SCNN1B: variants seen among roughly 807,000 people sequenced by gnomAD.
SCNN1B encodes the protein sodium channel epithelial 1 subunit beta, also known as epithelial sodium channel subunit beta.
SCNN1B carries 46 observed loss-of-function variants against 65.3 expected under a neutral mutation model. That is an observed-to-expected ratio of 0.70 (90% confidence interval 0.56 to 0.90). The LOEUF (loss-of-function observed/expected upper bound fraction) is 0.90, where lower values mean the gene tolerates loss of function less well. SCNN1B is among the 40% of genes least tolerant of loss of function. The pLI is 0.00. For synonymous variants in SCNN1B, 349 were observed against 330.6 expected, an observed-to-expected ratio of 1.06 and a Z score of -0.60; for missense variants, 751 against 830.5, an observed-to-expected ratio of 0.90 and a Z score of 1.18.
chr16:23,309,745 A>G (rs1325444793), intron 1 of SCNN1B, among the ~76,000 whole-genome samples: 1 of 152,188 alleles, frequency 6.6e-6, no homozygotes, highest in Non-Finnish European at 1.5e-5. Flanking sequence ...CACTGACTCA[A>G]GTGTTAATCT....
At chr16:23,347,782 G>T (rs77735780) in intron 1 of SCNN1B, among the ~76,000 whole-genome samples, 3,461 of 152,290 alleles carry the variant, frequency 0.023, 52 homozygotes, top group Middle Eastern at 0.037. Flanking sequence ...TGGTGTGCAT[G>T]CCTATAATCC....
rs576845476 is a variant in SCNN1B, at chr16:23,321,334, G to A, written c.-9+18897G>A. Reference sequence around the variant, plus strand: ...TGTGATTACAGGCATGAGCCACAACGCCTGGCCTCCTTCCTGGACTCTCAA... The same window carrying A: ...TGTGATTACAGGCATGAGCCACAACACCTGGCCTCCTTCCTGGACTCTCAA... On this transcript the variant is annotated intron_variant, in intron 1 of 12. Coordinates refer to ENST00000343070, the MANE Select transcript of SCNN1B (RefSeq NM_000336.3). 1.5e-3 allele frequency among the ~76,000 whole-genome samples: 230 copies of A among 152,188 alleles called. 1 individual carries two copies. The highest frequency in any genetic ancestry group is 2.8e-3 in the Non-Finnish European group (192 of 68,018).
At chr16:23,374,810 G>C in intron 7 of SCNN1B, among the ~76,000 whole-genome samples, 1 of 151,588 alleles carries the variant, frequency 6.6e-6, no homozygotes, top group East Asian at 1.9e-4. Context: ...GGGCCGAGTG[G>C]AGAGAGGTAG....
chr16:23,355,777 G>A (rs1444065750), intron 4 of SCNN1B, among the ~76,000 whole-genome samples: 1 of 151,842 alleles, frequency 6.6e-6, no homozygotes, highest in Non-Finnish European at 1.5e-5. Context: ...AGGAAAAGGA[G>A]AAAATAGAAA....
intron 11 of SCNN1B, 113 bp downstream of exon 11, chr16:23,378,880 G>A (rs2303153): frequency 6.1e-6 from 6 of 989,910 alleles, no homozygotes; most frequent in African/African-American, 3.2e-5. Context: ...GGGTCAGACC[G>A]AGGAGCAAGT....
Position 23,380,500 on chromosome 16 carries a change from G to C in SCNN1B, c.1622G>C (p.Gly541Ala), listed in dbSNP as rs1405881688. 6.2e-7 allele frequency: 1 copy of C among 1,614,104 alleles called. No individual in the cohort carries two copies. The highest frequency in any genetic ancestry group is 1.3e-5 in the African/African-American group (1 of 74,918). ...TCTGTGCTGTGCCTCATCGAGTTTG[G>C]GGAGATCATCATCGACTTTGTGTGG... is the stretch of plus-strand genomic sequence containing the variant. The part of the protein sequence containing the change: ...GGSVLCLIEF[G>A]EIIIDFVWIT... The change falls in exon 13 of 13, where the codon GGG becomes GCG. Residue 541 changes from glycine (G) to alanine (A), a missense_variant. By Grantham distance (60) the Gly-to-Ala change is moderately conservative (BLOSUM62 0). Coordinates refer to ENST00000343070, the MANE Select transcript of SCNN1B (RefSeq NM_000336.3). This position sits in a 1 kb window ranked among gnomAD's most constrained non-coding sequence, Gnocchi z 5.4.
intron 1 of SCNN1B, among the ~76,000 whole-genome samples, chr16:23,340,676 G>T (rs1192460365): frequency 6.6e-6 from 1 of 151,996 alleles, no homozygotes; most frequent in Non-Finnish European, 1.5e-5. Context: ...AATTACAGGT[G>T]TGAGCCACCA....
chr16:23,358,975 A>G (rs1962477960), intron 4 of SCNN1B, among the ~76,000 whole-genome samples: 1 of 152,278 alleles, frequency 6.6e-6, no homozygotes, highest in Non-Finnish European at 1.5e-5. Context: ...GCCAACATTT[A>G]CTGGGCCTTT....
Position 23,352,796 on chromosome 16 carries a change from T to A in SCNN1B, c.312-5T>A, listed in dbSNP as rs766152045. On this transcript the variant is annotated splice_region_variant and splice_polypyrimidine_tract_variant and intron_variant, in intron 2 of 12. Coordinates refer to ENST00000343070, the MANE Select transcript of SCNN1B (RefSeq NM_000336.3). Reference sequence around the variant, plus strand: ...TTCCCCCTAACCAGCCCTCTCCCCATCCAGGTATTCCAAAATCAAGCATTT... The same window carrying A: ...TTCCCCCTAACCAGCCCTCTCCCCAACCAGGTATTCCAAAATCAAGCATTT... 6.2e-7 allele frequency: 1 copy of A among 1,614,088 alleles called. No homozygotes were observed. Among genetic ancestry groups the A allele is most frequent in the Non-Finnish European group, 8.5e-7 (1 of 1,180,012 alleles).
Position 23,366,321 on chromosome 16 carries a change from T to A in SCNN1B, c.777-1535T>A, listed in dbSNP as rs774264879. ...CCCAGGCTCAGGTGATCAATCCACA[T>A]CAGCCTCCCAAGTAGCTGGGACTAC... is the stretch of plus-strand genomic sequence containing the variant. On this transcript the variant is annotated intron_variant, in intron 4 of 12. Transcript: ENST00000343070. 7.1e-4 allele frequency among the ~76,000 whole-genome samples: 108 copies of A among 152,186 alleles called. 1 individual carries two copies. Among genetic ancestry groups the A allele is most frequent in the Non-Finnish European group, 2.4e-4 (16 of 68,026 alleles).
At position 23,380,824 on chromosome 16, in the gene SCNN1B, C is replaced by T. The variant is rs1063153; in HGVS notation, c.*23C>T. On this transcript the variant is annotated 3_prime_UTR_variant, in exon 13 of 13. Transcript: ENST00000343070. This position sits in a 1 kb window ranked among gnomAD's most constrained non-coding sequence, Gnocchi z 5.4. ...TAACCCTGCCCCTGCCCACCCCGGG[C>T]GGCTGAAACTCACTGAGCAGCCAAG... 37 of 1,611,212 alleles carry T rather than the reference C, an allele frequency of 2.3e-5. No homozygotes were observed. Among genetic ancestry groups the T allele is most frequent in the African/African-American group, 4.0e-5 (3 of 74,900 alleles).
intron 2 of SCNN1B, among the ~76,000 whole-genome samples, chr16:23,295,265 T>C (rs1237134053): frequency 2.6e-5 from 4 of 151,834 alleles, no homozygotes; most frequent in Non-Finnish European, 5.9e-5. Context: ...GTTACCCAGG[T>C]TGGAGTGCAG....
rs139054925 is a variant in SCNN1B, at chr16:23,330,784, G to T, written c.-8-17808G>T. Among the ~76,000 whole-genome samples the T allele has an allele frequency of 2.0e-3, 308 of 152,174 alleles. 3 individuals carry two copies. Among genetic ancestry groups the T allele is most frequent in the African/African-American group, 7.0e-3 (290 of 41,524 alleles). On this transcript the variant is annotated intron_variant, in intron 1 of 12. Transcript: ENST00000343070. ...AATGGGGTCTTGCTATGTTGCCCAG[G>T]TTCTTGAACTCCTGGCCTCAAGCGA...
chr16:23,334,016 G>A (rs911262044), intron 1 of SCNN1B, among the ~76,000 whole-genome samples: 1 of 152,180 alleles, frequency 6.6e-6, no homozygotes, highest in East Asian at 1.9e-4. Context: ...GCTTGCCTGC[G>A]ATGTGGATGG....
Position 23,334,230 on chromosome 16 carries a change from C to T in SCNN1B, c.-8-14362C>T, listed in dbSNP as rs139975861. Reference sequence around the variant, plus strand: ...CCACGTGGTGTGGGAGTGTGGCTACCGCCTCAACACTGCCTTACAGTGAAC... The same window carrying T: ...CCACGTGGTGTGGGAGTGTGGCTACTGCCTCAACACTGCCTTACAGTGAAC... On this transcript the variant is annotated intron_variant, in intron 1 of 12. Coordinates refer to ENST00000343070, the MANE Select transcript of SCNN1B (RefSeq NM_000336.3). Among the ~76,000 whole-genome samples, 389 of 152,146 alleles carry T rather than the reference C, an allele frequency of 2.6e-3. 1 individual carries two copies. The highest frequency in any genetic ancestry group is 9.0e-3 in the African/African-American group (374 of 41,512).
chr16:23,339,955 A>C (rs1962021651), intron 1 of SCNN1B, among the ~76,000 whole-genome samples: 1 of 152,144 alleles, frequency 6.6e-6, no homozygotes, highest in Admixed American at 6.6e-5. Flanking sequence ...TCCGGTTGCT[A>C]CACATCCTCA....
intron 4 of SCNN1B, among the ~76,000 whole-genome samples, chr16:23,357,827 G>C (rs1232562204): frequency 6.6e-6 from 1 of 152,146 alleles, no homozygotes; most frequent in Non-Finnish European, 1.5e-5. Context: ...GTCTTGGCCA[G>C]GGTCCTTTGC....
At chr16:23,296,594 A>G (rs2887481) in intron 2 of SCNN1B, among the ~76,000 whole-genome samples, 74,750 of 151,962 alleles carry the variant, frequency 0.49, 22,648 homozygotes, top group African/African-American at 0.86. Flanking sequence ...AAGGGCTGGG[A>G]AATATTGGAG....
At chr16:23,324,001 A>C (rs561417016) in intron 1 of SCNN1B, among the ~76,000 whole-genome samples, 1 of 152,270 alleles carries the variant, frequency 6.6e-6, no homozygotes, top group African/African-American at 2.4e-5. Context: ...AGAGCTTTAT[A>C]TGCATTTTAA....
Sources: gnomAD v4.1 joint callset for allele counts (sites outside exome capture counted in the v4.1 genomes callset) on GRCh38, gnomAD v4.1.1 for gene constraint, Gnocchi (gnomAD v3.1) non-coding constraint, MANE v1.5 for transcripts, NCBI Gene and HGNC (gene_info 2026-07-23, HGNC 2026-07-21) for gene names.